The following GLIS3 variants were observed in gnomAD, a reference collection of about 807,000 sequenced individuals.
GLIS3 encodes GLIS family zinc finger 3, also known as zinc finger protein GLIS3.
Under a neutral mutation model 78.6 loss-of-function variants are expected in GLIS3, and 53 were observed. The ratio of observed to expected loss-of-function variants is 0.67; its 90% CI spans 0.54 to 0.85. The LOEUF (loss-of-function observed/expected upper bound fraction) is 0.85. Ranked by LOEUF, GLIS3 falls within the 40% of genes least tolerant of loss-of-function variation. The pLI, the probability that GLIS3 is intolerant of heterozygous loss-of-function variation, is 0.00. For synonymous variants in GLIS3, 684 were observed against 509.9 expected (o/e 1.34, Z -4.60); for missense variants, 1,703 against 1,231.1 (o/e 1.38, Z -5.74).
At chr9:3,902,881 G>A (rs1053781622) in intron 6 of GLIS3, among the ~76,000 whole-genome samples, 1 of 152,108 alleles carries the variant, frequency 6.6e-6, no homozygotes, top group African/African-American at 2.4e-5. Flanking sequence ...CAACTGTGAC[G>A]AATAAAGATC....
At chr9:4,164,227 T>G (rs2131097981) in intron 2 of GLIS3, among the ~76,000 whole-genome samples, 1 of 152,302 alleles carries the variant, frequency 6.6e-6, no homozygotes, top group Admixed American at 6.5e-5. Flanking sequence ...CTCTCTCAGC[T>G]TATCTCTGTC....
intron 6 of GLIS3, among the ~76,000 whole-genome samples, chr9:3,931,961 C>T (rs1048059147): frequency 6.6e-6 from 1 of 152,176 alleles, no homozygotes; most frequent in African/African-American, 2.4e-5. Flanking sequence ...TATGAAAAAG[C>T]ATTTCTTTCC....
chr9:4,013,135 G>C (rs1022430379), intron 4 of GLIS3, among the ~76,000 whole-genome samples: 3 of 152,138 alleles, frequency 2.0e-5, no homozygotes, highest in Non-Finnish European at 2.9e-5. Flanking sequence ...TGTAGCTGTT[G>C]GTGATGCCTG....
At chr9:4,332,644 A>C (rs980278166) in intron 2 of GLIS3, among the ~76,000 whole-genome samples, 1 of 152,218 alleles carries the variant, frequency 6.6e-6, no homozygotes, top group African/African-American at 2.4e-5. Context: ...TACTCACTCT[A>C]AACTACCAAC....
At chr9:3,919,920 G>A (rs1159528663) in intron 6 of GLIS3, among the ~76,000 whole-genome samples, 1 of 151,536 alleles carries the variant, frequency 6.6e-6, no homozygotes, top group South Asian at 2.1e-4. Context: ...TATTATTGTT[G>A]GCCCTCCCAT....
At chr9:3,956,434 A>C (rs999106926) in intron 4 of GLIS3, among the ~76,000 whole-genome samples, 1 of 152,208 alleles carries the variant, frequency 6.6e-6, no homozygotes, top group Non-Finnish European at 1.5e-5. Flanking sequence ...ACAGGCTTTG[A>C]TGCCCTTTGT....
At chr9:4,420,472 G>C in the GLIS3 span, among the ~76,000 whole-genome samples, 1 of 152,292 alleles carries the variant, frequency 6.6e-6, no homozygotes, top group South Asian at 2.1e-4. Flanking sequence ...GTGATCCAAG[G>C]AAAGTATAAT....
chr9:3,862,725 G>A (rs946549966), intron 8 of GLIS3, among the ~76,000 whole-genome samples: 3 of 152,120 alleles, frequency 2.0e-5, no homozygotes, highest in African/African-American at 2.4e-5. Context: ...ATTAAAAGGC[G>A]GTATGTGTTC....
At chr9:4,334,810 C>A (rs1375881136) in intron 2 of GLIS3, among the ~76,000 whole-genome samples, 1 of 152,038 alleles carries the variant, frequency 6.6e-6, no homozygotes, top group Non-Finnish European at 1.5e-5. Flanking sequence ...GTACTCTGAC[C>A]TTTAAAAGCA....
At chr9:4,472,195 G>A in the GLIS3 span, among the ~76,000 whole-genome samples, 1 of 152,228 alleles carries the variant, frequency 6.6e-6, no homozygotes, top group African/African-American at 2.4e-5. Flanking sequence ...GGAAGACAGT[G>A]TGGCGATTCC....
intron 2 of GLIS3, among the ~76,000 whole-genome samples, chr9:4,222,739 C>T (rs949673783): frequency 7.2e-5 from 11 of 152,168 alleles, no homozygotes; most frequent in African/African-American, 2.4e-4. Context: ...CAGAGGAATG[C>T]ATTATACTTT....
At chr9:4,080,816 G>C (rs529788793) in intron 4 of GLIS3, among the ~76,000 whole-genome samples, 140 of 152,270 alleles carry the variant, frequency 9.2e-4, no homozygotes, top group Non-Finnish European at 7.2e-4. Flanking sequence ...GATAACGCAA[G>C]GCTCTTCAGT....
chr9:4,280,588 G>C (rs1827455340), intron 2 of GLIS3, among the ~76,000 whole-genome samples: 1 of 152,120 alleles, frequency 6.6e-6, no homozygotes, highest in Non-Finnish European at 1.5e-5. Flanking sequence ...GATAAATTCA[G>C]CGTCAAAGAA....
chr9:4,370,209 A>G, the GLIS3 span, among the ~76,000 whole-genome samples: 1 of 149,378 alleles, frequency 6.7e-6, no homozygotes, highest in African/African-American at 2.5e-5. Context: ...AAAAACAACC[A>G]AAAAACAAAA....
chr9:4,425,232 A>C, the GLIS3 span, among the ~76,000 whole-genome samples: 2 of 152,226 alleles, frequency 1.3e-5, no homozygotes, highest in South Asian at 4.1e-4. Context: ...TGTTTAAGGC[A>C]CTGCTGTCCT....
At chr9:4,362,903 G>C in the GLIS3 span, among the ~76,000 whole-genome samples, 4 of 152,122 alleles carry the variant, frequency 2.6e-5, no homozygotes, top group Non-Finnish European at 4.4e-5. Flanking sequence ...AGAATTTGAG[G>C]AGTTAGAGGG....
At chr9:4,084,934 G>T (rs1288953633) in intron 4 of GLIS3, among the ~76,000 whole-genome samples, 1 of 151,410 alleles carries the variant, frequency 6.6e-6, no homozygotes, top group Non-Finnish European at 1.5e-5. Flanking sequence ...CGCAGATAAG[G>T]GTGACTCCAT....
chr9:4,140,047 T>A (rs991594602), intron 2 of GLIS3, among the ~76,000 whole-genome samples: 1 of 152,212 alleles, frequency 6.6e-6, no homozygotes, highest in Non-Finnish European at 1.5e-5. Context: ...ATATAACTTC[T>A]TAGCCTGTAA....
At chr9:4,307,413 T>G (rs981333824) in intron 4 of GLIS3, among the ~76,000 whole-genome samples, 4 of 152,174 alleles carry the variant, frequency 2.6e-5, no homozygotes, top group Admixed American at 6.5e-5. Flanking sequence ...AAAGCCTGCT[T>G]TGCAAACCCT....
Sources: gnomAD v4.1 joint callset for allele counts (sites outside exome capture counted in the v4.1 genomes callset) on GRCh38, gnomAD v4.1.1 for gene constraint, MANE v1.5 for transcripts, NCBI Gene and HGNC (gene_info 2026-07-23, HGNC 2026-07-21) for gene names.